The following N4BP2 variants were observed in gnomAD, a reference collection of about 807,000 sequenced individuals.
The protein encoded by N4BP2 is NEDD4 binding protein 2, also known as NEDD4-binding protein 2.
Under a neutral mutation model 152.8 loss-of-function variants are expected in N4BP2, and 91 were observed. The observed-to-expected ratio is 0.60, with a 90% CI of 0.50 to 0.71. The LOEUF (loss-of-function observed/expected upper bound fraction) is 0.71, where lower values mean the gene tolerates loss of function less well. Ranked by LOEUF, N4BP2 falls within the 30% of genes least tolerant of loss-of-function variation. The pLI is 0.00. For missense variants in N4BP2, 1,923 were observed against 2,059.1 expected, an observed-to-expected ratio of 0.93 and a Z score of 1.28; for synonymous variants, 646 against 705.3, an observed-to-expected ratio of 0.92 and a Z score of 1.33.
chr4:40,086,042 T>A (rs1438272149), intron 2 of N4BP2, among the ~76,000 whole-genome samples: 3 of 151,342 alleles, frequency 2.0e-5, no homozygotes, highest in Non-Finnish European at 4.4e-5. Context: ...CTCAGCTCAC[T>A]GCAACCTCTC....
chr4:40,064,589 G>C (rs2109887703), intron 1 of N4BP2, among the ~76,000 whole-genome samples: 1 of 152,016 alleles, frequency 6.6e-6, no homozygotes, highest in South Asian at 2.1e-4. Flanking sequence ...AGTATTTATT[G>C]AGCTCTTGTT....
chr4:40,128,568 C>T (rs1309912355), intron 12 of N4BP2, among the ~76,000 whole-genome samples: 1 of 150,222 alleles, frequency 6.7e-6, no homozygotes, highest in Non-Finnish European at 1.5e-5. Context: ...CGTTCTGTCA[C>T]CCAGGCTGGA....
intron 7 of N4BP2, among the ~76,000 whole-genome samples, chr4:40,114,152 G>A (rs542439073): frequency 6.6e-6 from 1 of 152,188 alleles, no homozygotes; most frequent in South Asian, 2.1e-4. Flanking sequence ...AAAAATGTTA[G>A]TCAAGGCATG....
intron 17 of N4BP2, 46 bp from the exon 18 acceptor site, chr4:40,154,146 A>G: frequency 7.4e-7 from 1 of 1,359,004 alleles, no homozygotes; most frequent in Non-Finnish European, 1.0e-6. Context: ...TCCTTAGCTA[A>G]TTTGAAATTT....
chr4:40,125,920 A>G (rs945958007), intron 11 of N4BP2, among the ~76,000 whole-genome samples: 2 of 151,208 alleles, frequency 1.3e-5, no homozygotes, highest in African/African-American at 2.4e-5. Flanking sequence ...TACACAGATC[A>G]TTACTCTTTT....
chr4:40,105,722 T>A lies in N4BP2; in HGVS notation c.1374-1178T>A, dbSNP rs536668299. Among the ~76,000 whole-genome samples the A allele has an allele frequency of 2.2e-4, 34 of 152,070 alleles. 1 individual carries two copies. In the South Asian group the frequency reaches 3.7e-3, roughly 17 times the overall value. ...GGGCCCACCACACCCGGCTCATTTT[T>A]AAATTTTTTGTAGAGACAGAGTCTT... On this transcript the variant is annotated intron_variant, in intron 4 of 17. Transcript: ENST00000261435.
intron 3 of N4BP2, among the ~76,000 whole-genome samples, chr4:40,100,326 C>T (rs886258335): frequency 7.2e-5 from 11 of 151,830 alleles, no homozygotes; most frequent in African/African-American, 2.7e-4. Flanking sequence ...AATAAACAAC[C>T]CCTCCCTCCA....
chr4:40,112,217 A>G lies in N4BP2; in HGVS notation c.1587+45A>G, dbSNP rs374892340. ...ATAAGTTTATAACAGTTTGTATGCA[A>G]TTATTGGGGAACATTAATTATGAAA... On this transcript the variant is annotated intron_variant, in intron 6 of 17. Transcript: ENST00000261435. 103 of 1,040,578 alleles carry G rather than the reference A, an allele frequency of 9.9e-5. 1 individual carries two copies. The South Asian group carries it at 1.0e-3, about 10-fold the overall frequency. The allele number at this position is 1,040,578 out of a possible 1,614,324, so 64.5% of individuals were successfully genotyped here. A position where few individuals can be genotyped will look rare whatever the true frequency, so the allele number is the denominator to read the frequency against.
chr4:40,096,697 G>A (rs1023742820), intron 2 of N4BP2, among the ~76,000 whole-genome samples: 4 of 152,330 alleles, frequency 2.6e-5, no homozygotes, highest in Non-Finnish European at 5.9e-5. Context: ...TAGGGTGGTG[G>A]CAGTGAGGAA....
chr4:40,075,042 A>C (rs1002123567), intron 2 of N4BP2, among the ~76,000 whole-genome samples: 22 of 151,918 alleles, frequency 1.4e-4, no homozygotes, highest in African/African-American at 5.1e-4. Flanking sequence ...AAAATAGGCC[A>C]ATCTTGCTTC....
intron 14 of N4BP2, among the ~76,000 whole-genome samples, chr4:40,141,211 G>A (rs1386260789): frequency 7.3e-6 from 1 of 137,236 alleles, no homozygotes; most frequent in Non-Finnish European, 1.6e-5. Context: ...GGCTGGCCTG[G>A]CGGGGGGCTG....
In N4BP2 at chr4:40,139,574, CTG is replaced by C. The variant is rs2068286669; in HGVS notation, c.4785+2495_4785+2496del. ...TGGCGCGATCTCGGCTCACTGCAAC[CTG>C]TGCCCTCTGAGTTCAAGTGATTCTC... On this transcript the variant is annotated intron_variant, in intron 14 of 17. Coordinates refer to ENST00000261435, the MANE Select transcript of N4BP2 (RefSeq NM_018177.6). 4.6e-5 allele frequency among the ~76,000 whole-genome samples: 7 copies of C among 150,914 alleles called. No individual in the cohort carries two copies. The South Asian group carries it at 1.5e-3, about 32-fold the overall frequency.
chr4:40,122,470 T>C (rs1471723016), intron 9 of N4BP2, among the ~76,000 whole-genome samples, 161 bp downstream of exon 9: 1 of 152,082 alleles, frequency 6.6e-6, no homozygotes, highest in South Asian at 2.1e-4. Flanking sequence ...GCCTCCCAGG[T>C]TCAAGTGATT....
the N4BP2 span, among the ~76,000 whole-genome samples, chr4:40,187,202 T>G: frequency 2.6e-5 from 4 of 152,130 alleles, no homozygotes; most frequent in African/African-American, 4.8e-5. Context: ...AAATTTCTCT[T>G]GAAGTAAGGA....
At chr4:40,136,457 C>T (rs1719408518) in intron 13 of N4BP2, among the ~76,000 whole-genome samples, 2 of 151,880 alleles carry the variant, frequency 1.3e-5, no homozygotes, top group African/African-American at 4.8e-5. Context: ...CCATCTCAGC[C>T]CACTGCAACC....
chr4:40,102,828 C>T lies in N4BP2; in HGVS notation c.983C>T (p.Pro328Leu). ...CCTTCCGAAGGGTTCAACTTCAAGC[C>T]ACACAAACATCCTGAACTGCCAACT... ...FLPSEGFNFK[P>L]HKHPELPTKG... Residue 328 changes from proline (P) to leucine (L), a missense_variant, in exon 4 of 18, where the codon CCA (proline) becomes CTA (leucine). Physicochemically the swap from Pro to Leu is moderately conservative, Grantham distance 98. Transcript: ENST00000261435. The T allele has an allele frequency of 1.2e-6, 2 of 1,614,156 alleles. No individual in the cohort carries two copies. Among genetic ancestry groups the T allele is most frequent in the Non-Finnish European group, 1.7e-6 (2 of 1,180,026 alleles).
chr4:40,136,511 C>T (rs528146188), intron 13 of N4BP2, among the ~76,000 whole-genome samples: 31 of 152,228 alleles, frequency 2.0e-4, no homozygotes, highest in Middle Eastern at 3.4e-3. Flanking sequence ...CTCAGCCTCC[C>T]GAGTAGCTGG....
At chr4:40,136,561 G>GT (rs1190499197) in intron 13 of N4BP2, among the ~76,000 whole-genome samples, 2 of 151,880 alleles carry the variant, frequency 1.3e-5, no homozygotes, top group Non-Finnish European at 2.9e-5. Context: ...TAATTTTTGG[G>GT]TTTTTTGTAG....
chr4:40,079,296 A>G (rs1713113166), intron 2 of N4BP2, among the ~76,000 whole-genome samples: 2 of 151,116 alleles, frequency 1.3e-5, no homozygotes, highest in African/African-American at 4.9e-5. Flanking sequence ...TTATTTATTT[A>G]TTTAGAGATA....
Sources: gnomAD v4.1 joint callset for allele counts (sites outside exome capture counted in the v4.1 genomes callset) on GRCh38, gnomAD v4.1.1 for gene constraint, MANE v1.5 for transcripts, NCBI Gene and HGNC (gene_info 2026-07-23, HGNC 2026-07-21) for gene names.